Variants in CT45A1 observed in about 807,000 individuals in gnomAD.
CT45A1 encodes the protein cancer/testis antigen 45-1.
chrX:135,712,998 T>TTTCTTCCTTCCTTCCTTCCTTCCTTC (rs782155348), upstream of CT45A1, among the ~76,000 whole-genome samples: 1 of 15,242 alleles, frequency 6.6e-5, no homozygotes. Context: ...CCTTCCTTCC[T>TTTCTTCCTTCCTTCCTTCCTTCCTTC]CTCTCTCTCT....
intron 1 of CT45A1, among the ~76,000 whole-genome samples, chrX:135,715,456 T>A (rs1302981581): frequency 1.2e-5 from 1 of 81,526 alleles, no homozygotes; most frequent in Non-Finnish European, 2.2e-5. Flanking sequence ...CTTATATATA[T>A]AATACTTATA....
chrX:135,712,935 T>TTTTTTCTTTC (rs2087944084), upstream of CT45A1, among the ~76,000 whole-genome samples: 1 of 88,769 alleles, frequency 1.1e-5, no homozygotes, highest in Non-Finnish European at 2.2e-5. Context: ...TTTCTTTTCT[T>TTTTTTCTTTC]TTTTTCTTTC....
chrX:135,710,849 AT>A (rs1310395191), upstream of CT45A1, among the ~76,000 whole-genome samples: 1 of 112,093 alleles, frequency 8.9e-6, no homozygotes, highest in African/African-American at 3.2e-5. Flanking sequence ...CTGTCCACAT[AT>A]TTGTTTTTTT....
upstream of CT45A1, among the ~76,000 whole-genome samples, chrX:135,713,011 C>CTCTCTCTCTT (rs782125133): frequency 6.6e-5 from 4 of 60,402 alleles, no homozygotes; most frequent in Non-Finnish European, 1.2e-4. Flanking sequence ...CTCTCTCTCT[C>CTCTCTCTCTT]TCTTTCTTTC....
At chrX:135,713,051 T>G (rs2087947858), upstream of CT45A1, among the ~76,000 whole-genome samples, 1 of 92,004 alleles carries the variant, frequency 1.1e-5, no homozygotes, top group East Asian at 3.3e-4. Context: ...TTTCCTTTTT[T>G]TTTTTTGAGA....
upstream of CT45A1, among the ~76,000 whole-genome samples, chrX:135,710,636 A>G (rs192562669): frequency 1.8e-5 from 2 of 112,369 alleles, no homozygotes; most frequent in East Asian, 2.8e-4. Context: ...GCTACTGCGC[A>G]TAATCTCCAT....
chrX:135,717,527 C>T (rs782698139), intron 1 of CT45A1, among the ~76,000 whole-genome samples: 4 of 106,555 alleles, frequency 3.8e-5, no homozygotes, highest in South Asian at 8.3e-4. Flanking sequence ...CCAGCCTGGG[C>T]GACAGAGGGA....
chrX:135,714,656 C>T lies in CT45A1; in HGVS notation c.-7+966C>T, dbSNP rs782622088. Among the ~76,000 whole-genome samples the T allele has an allele frequency of 1.6e-3, 179 of 110,711 alleles. 1 individual carries two copies. The highest frequency in any genetic ancestry group is 5.7e-3 in the African/African-American group (174 of 30,452). ...AGTTAGTCTTTCATTCCAGCCACTCCGATGGGTGTGCAGTGATCTCTCCTT... is the reference window on the plus strand; with the variant it reads ...AGTTAGTCTTTCATTCCAGCCACTCTGATGGGTGTGCAGTGATCTCTCCTT... On this transcript the variant is annotated intron_variant, in intron 1 of 4. Transcript: ENST00000594565.
upstream of CT45A1, among the ~76,000 whole-genome samples, chrX:135,712,998 T>TTCCTTCCTTCCTTCCTTC (rs782155348): frequency 6.4e-3 from 97 of 15,182 alleles, 2 homozygotes; most frequent in East Asian, 0.024. Flanking sequence ...CCTTCCTTCC[T>TTCCTTCCTTCCTTCCTTC]CTCTCTCTCT....
chrX:135,712,025 G>T (rs1204188191), upstream of CT45A1, among the ~76,000 whole-genome samples: 1 of 109,184 alleles, frequency 9.2e-6, no homozygotes, highest in East Asian at 2.9e-4. Flanking sequence ...AGGTTGCAGT[G>T]AGCCGAGATT....
upstream of CT45A1, among the ~76,000 whole-genome samples, chrX:135,711,261 G>A (rs2883205): frequency 1.4e-3 from 159 of 111,196 alleles, no homozygotes; most frequent in Middle Eastern, 4.6e-3. Context: ...TTCCTACATC[G>A]AAGTGAAAAC....
At chrX:135,717,903 C>T (rs1485542180) in intron 1 of CT45A1, among the ~76,000 whole-genome samples, 1 of 111,583 alleles carries the variant, frequency 9.0e-6, no homozygotes, top group Non-Finnish European at 1.9e-5. Context: ...AATTTTAAAC[C>T]TATTGTATTT....
chrX:135,708,668 G>T (rs1373502190), upstream of CT45A1, among the ~76,000 whole-genome samples: 1 of 111,148 alleles, frequency 9.0e-6, no homozygotes, highest in Non-Finnish European at 1.9e-5. Context: ...AACTCGCTTC[G>T]TGTTCCTTAT....
At chrX:135,718,420 A>C (rs1193279590) in intron 1 of CT45A1, among the ~76,000 whole-genome samples, 1 of 110,616 alleles carries the variant, frequency 9.0e-6, no homozygotes, top group Non-Finnish European at 1.9e-5. Context: ...TCAGTTTTGT[A>C]TCAATCTTCT....
intron 1 of CT45A1, among the ~76,000 whole-genome samples, chrX:135,714,314 C>T (rs1352565313): frequency 1.8e-5 from 2 of 109,232 alleles, no homozygotes; most frequent in Non-Finnish European, 3.8e-5. Flanking sequence ...TGGACGCTTA[C>T]CGGATGCTTT....
chrX:135,709,287 G>C (rs1483942337), upstream of CT45A1, among the ~76,000 whole-genome samples: 1 of 112,223 alleles, frequency 8.9e-6, no homozygotes, highest in Non-Finnish European at 1.9e-5. Context: ...TGTTACACCT[G>C]GCTAATTGTT....
chrX:135,715,292 T>TAA (rs782441064), intron 1 of CT45A1, among the ~76,000 whole-genome samples: 58 of 80,746 alleles, frequency 7.2e-4, no homozygotes, highest in South Asian at 5.5e-3. Context: ...CTTATATATA[T>TAA]AATACTTATA....
intron 1 of CT45A1, among the ~76,000 whole-genome samples, chrX:135,714,520 C>T (rs781909121): frequency 9.1e-6 from 1 of 109,831 alleles, no homozygotes; most frequent in East Asian, 2.9e-4. Context: ...AGGAACTCTT[C>T]ACCGGGACTC....
Position 135,714,393 on chromosome X carries a change from C to A in CT45A1, c.-7+703C>A, listed in dbSNP as rs369291036. 2.6e-4 allele frequency among the ~76,000 whole-genome samples: 28 copies of A among 109,290 alleles called. 1 individual carries two copies. The highest frequency in any genetic ancestry group is 8.7e-4 in the African/African-American group (26 of 29,867). The allele number at this position is 109,290 out of a possible 115,157, so 94.9% of individuals were successfully genotyped here. On this transcript the variant is annotated intron_variant, in intron 1 of 4. Transcript: ENST00000594565. ...GGTGCTGTTCCTTGGATTCTCTAAG[C>A]CTATGGTGGGACTCAGGGAGCTCTG...
Sources: allele counts gnomAD v4.1 joint callset (sites outside exome capture counted in the v4.1 genomes callset), GRCh38; gene constraint gnomAD v4.1.1; transcripts MANE v1.5; gene names NCBI Gene and HGNC (gene_info 2026-07-23, HGNC 2026-07-21).